The following DENND1B variants were observed in gnomAD, a reference collection of about 807,000 sequenced individuals.
DENND1B encodes DENN domain containing 1B.
DENND1B carries 59 observed loss-of-function variants against 90.1 expected under a neutral mutation model. That is an observed-to-expected ratio of 0.65 (90% CI 0.53 to 0.81). The LOEUF (loss-of-function observed/expected upper bound fraction) is 0.81, where lower values mean the gene tolerates loss of function less well. Among genes scored for constraint, DENND1B ranks in the 40% least tolerant of loss-of-function variants. The pLI, the probability that DENND1B is intolerant of heterozygous loss-of-function variation, is 0.00. For missense variants in DENND1B, 862 were observed against 912.6 expected (o/e 0.94, Z 0.71); for synonymous variants, 337 against 324.6 (o/e 1.04, Z -0.41).
At position 197,515,226 on chromosome 1, in the gene DENND1B, G is replaced by A. The variant is rs563336329; in HGVS notation, c.1516-2273C>T. 4.6e-5 allele frequency among the ~76,000 whole-genome samples: 7 copies of A among 151,764 alleles called. No individual in the cohort carries two copies. The East Asian group carries it at 9.8e-4, about 21-fold the overall frequency. ...AAATATGCTCTTATAACCCCTACTCGGAATGTGTAGTGAGGTTTCCATAAG... is the reference window on the plus strand; with the variant it reads ...AAATATGCTCTTATAACCCCTACTCAGAATGTGTAGTGAGGTTTCCATAAG... On this transcript the variant is annotated intron_variant, in intron 20 of 22. Transcript: ENST00000620048.
chr1:197,749,913 T>C (rs1442469071), intron 2 of DENND1B, among the ~76,000 whole-genome samples: 1 of 152,134 alleles, frequency 6.6e-6, no homozygotes, highest in African/African-American at 2.4e-5. Flanking sequence ...AGTAGCACCC[T>C]CAGGGCCCAC....
chr1:197,755,122 A>G (rs879777201), intron 2 of DENND1B, among the ~76,000 whole-genome samples: 3 of 152,298 alleles, frequency 2.0e-5, no homozygotes, highest in East Asian at 1.9e-4. Context: ...AAGTCTCTCA[A>G]GTTACTATAC....
chr1:197,564,370 A>C (rs1335465482), intron 15 of DENND1B, among the ~76,000 whole-genome samples: 2 of 144,588 alleles, frequency 1.4e-5, no homozygotes, highest in African/African-American at 2.6e-5. Context: ...GCAGCCATCA[A>C]TACTGAGGCA....
intron 2 of DENND1B, among the ~76,000 whole-genome samples, chr1:197,765,780 G>A (rs528148890): frequency 6.6e-6 from 1 of 152,286 alleles, no homozygotes; most frequent in Non-Finnish European, 1.5e-5. Flanking sequence ...TTAGATTAAA[G>A]CGGCAAAAAT....
Position 197,645,735 on chromosome 1 carries a change from G to A in DENND1B, c.516C>T (p.Tyr172=). 2 of 1,570,384 alleles carry A rather than the reference G, an allele frequency of 1.3e-6. No individual in the cohort carries two copies. The highest frequency in any genetic ancestry group is 1.2e-5 in the South Asian group (1 of 80,892). The part of the protein sequence containing the change: ...KDQPALVPHS[Y]FIAPDVTGLP... ...GTCCAGTTACATCAGGGGCAATGAA[G>A]TAGGAATGCTAATCAATACAAATAA... Residue 172 remains tyrosine, a synonymous_variant, in exon 9 of 23, where the codon TAC becomes TAT. Coordinates refer to ENST00000620048, the MANE Select transcript of DENND1B (RefSeq NM_001195215.2).
chr1:197,581,069 C>A (rs529897320), intron 15 of DENND1B, among the ~76,000 whole-genome samples: 15 of 152,202 alleles, frequency 9.9e-5, no homozygotes, highest in South Asian at 2.1e-4. Flanking sequence ...AATTCTAGAC[C>A]TATAATGGAT....
intron 10 of DENND1B, among the ~76,000 whole-genome samples, chr1:197,636,974 G>T (rs900275166): frequency 6.6e-6 from 1 of 151,782 alleles, no homozygotes; most frequent in African/African-American, 2.4e-5. Flanking sequence ...GAGCTAAACT[G>T]CACTATAAGA....
chr1:197,686,721 C>CT (rs767332497), intron 3 of DENND1B, among the ~76,000 whole-genome samples: 5,196 of 145,252 alleles, frequency 0.036, 100 homozygotes, highest in Middle Eastern at 0.077. Flanking sequence ...ATATCTGTCT[C>CT]TTTTTTTTTT....
At chr1:197,596,930 C>T (rs1026103688) in intron 13 of DENND1B, among the ~76,000 whole-genome samples, 23 of 151,736 alleles carry the variant, frequency 1.5e-4, no homozygotes, top group African/African-American at 5.1e-4. Context: ...AGAAACAGAC[C>T]CCCATTGGGT....
At chr1:197,602,621 A>T (rs1676307786) in intron 13 of DENND1B, among the ~76,000 whole-genome samples, 1 of 151,394 alleles carries the variant, frequency 6.6e-6, no homozygotes, top group Non-Finnish European at 1.5e-5. Context: ...TGACAATTTA[A>T]CATGTTAAAC....
At chr1:197,590,451 C>CA (rs111356782) in intron 14 of DENND1B, among the ~76,000 whole-genome samples, 2,006 of 150,994 alleles carry the variant, frequency 0.013, 47 homozygotes, top group African/African-American at 0.044. Flanking sequence ...GGCTAAAATC[C>CA]AAAAAAAAGA....
intron 2 of DENND1B, among the ~76,000 whole-genome samples, chr1:197,743,160 C>T (rs1663374660): frequency 6.6e-6 from 1 of 152,126 alleles, no homozygotes; most frequent in Admixed American, 6.5e-5. Flanking sequence ...TTAAATCAAA[C>T]ACCCTTAGAA....
chr1:197,703,737 T>G (rs1186734004), intron 3 of DENND1B, among the ~76,000 whole-genome samples: 1 of 152,238 alleles, frequency 6.6e-6, no homozygotes, highest in Non-Finnish European at 1.5e-5. Context: ...TTAATTTTTT[T>G]GCCTACAATA....
At chr1:197,567,793 A>G (rs1176364327) in intron 15 of DENND1B, among the ~76,000 whole-genome samples, 3 of 152,182 alleles carry the variant, frequency 2.0e-5, no homozygotes, top group Admixed American at 6.6e-5. Flanking sequence ...CAAATTATGT[A>G]TAAAATAATT....
intron 20 of DENND1B, among the ~76,000 whole-genome samples, chr1:197,515,818 G>T (rs1457234512): frequency 6.6e-6 from 1 of 151,708 alleles, no homozygotes; most frequent in Non-Finnish European, 1.5e-5. Context: ...TATATAATTT[G>T]CCCAAGCACA....
chr1:197,622,746 A>C (rs1484190645), intron 10 of DENND1B, among the ~76,000 whole-genome samples: 5 of 151,494 alleles, frequency 3.3e-5, no homozygotes, highest in African/African-American at 9.7e-5. Flanking sequence ...TATGTCTATG[A>C]GTACACCTAA....
At chr1:197,575,266 T>G (rs879569926) in intron 15 of DENND1B, among the ~76,000 whole-genome samples, 4 of 149,852 alleles carry the variant, frequency 2.7e-5, no homozygotes, top group Non-Finnish European at 5.9e-5. Context: ...CATTAAAAAG[T>G]GGGAAAAGCA....
At chr1:197,741,315 A>T (rs1571574821) in intron 2 of DENND1B, among the ~76,000 whole-genome samples, 1 of 152,308 alleles carries the variant, frequency 6.6e-6, no homozygotes, top group African/African-American at 2.4e-5. Flanking sequence ...AACTCAACCC[A>T]ACTAAGGATG....
At chr1:197,644,425 T>C (rs1179412862) in intron 9 of DENND1B, among the ~76,000 whole-genome samples, 1 of 152,212 alleles carries the variant, frequency 6.6e-6, no homozygotes, top group African/African-American at 2.4e-5. Flanking sequence ...TAAATCAAGT[T>C]ATTAGTTGTT....
Sources: allele counts gnomAD v4.1 joint callset (sites outside exome capture counted in the v4.1 genomes callset), GRCh38; gene constraint gnomAD v4.1.1; transcripts MANE v1.5; gene names NCBI Gene and HGNC (gene_info 2026-07-23, HGNC 2026-07-21).